Variants in IL1RAPL2 observed in about 807,000 individuals in gnomAD.
IL1RAPL2 encodes X-linked interleukin-1 receptor accessory protein-like 2.
In IL1RAPL2, 3 loss-of-function variants were observed where a neutral mutation model predicts 44.1. The observed-to-expected ratio is 0.07, with a 90% confidence interval of 0.03 to 0.18. The LOEUF is 0.18. Among genes scored for constraint, IL1RAPL2 ranks in the 10% least tolerant of loss-of-function variants. The pLI, the probability that IL1RAPL2 is intolerant of heterozygous loss-of-function variation, is 1.00. For missense variants in IL1RAPL2, 391 were observed against 496.4 expected (o/e 0.79, Z 2.02); for synonymous variants, 181 against 178.8 (o/e 1.01, Z -0.10).
At chrX:104,814,416 C>G (rs1268404656) in intron 2 of IL1RAPL2, among the ~76,000 whole-genome samples, 1 of 111,948 alleles carries the variant, frequency 8.9e-6, no homozygotes, top group East Asian at 2.8e-4. Context: ...TTTTGTTTCC[C>G]TAACAGGATT....
chrX:105,100,802 C>A (rs1449830653), intron 2 of IL1RAPL2, among the ~76,000 whole-genome samples: 1 of 112,100 alleles, frequency 8.9e-6, no homozygotes, highest in African/African-American at 3.2e-5. Context: ...CCTATTCATT[C>A]TGGATGATAT....
At chrX:105,643,728 C>T (rs952521356) in intron 6 of IL1RAPL2, among the ~76,000 whole-genome samples, 1 of 111,608 alleles carries the variant, frequency 9.0e-6, no homozygotes, top group Non-Finnish European at 1.9e-5. Context: ...CATGTCCAGT[C>T]AGTCCTTGGC....
chrX:105,199,524 A>G (rs1245824592), intron 3 of IL1RAPL2, among the ~76,000 whole-genome samples: 22 of 110,672 alleles, frequency 2.0e-4, no homozygotes, highest in African/African-American at 6.6e-4. Flanking sequence ...CTAACAGTCT[A>G]TTTGCTTTTA....
At chrX:105,195,889 C>G in intron 3 of IL1RAPL2, 141 bp downstream of exon 3, 1 of 554,427 alleles carries the variant, frequency 1.8e-6, no homozygotes, top group Non-Finnish European at 2.9e-6. Flanking sequence ...TCAGTAAATT[C>G]CAGTTCTAAT....
At chrX:104,689,506 C>T (rs746368506) in intron 2 of IL1RAPL2, among the ~76,000 whole-genome samples, 4 of 111,425 alleles carry the variant, frequency 3.6e-5, no homozygotes, top group Non-Finnish European at 7.5e-5. Context: ...AGTGTACACA[C>T]ACATAAAATG....
chrX:105,630,154 T>G (rs535553775), intron 6 of IL1RAPL2, among the ~76,000 whole-genome samples: 1 of 111,672 alleles, frequency 9.0e-6, no homozygotes. Context: ...AAAGGGATTT[T>G]GGGAAGCTAT....
At chrX:105,426,117 A>G (rs141042296) in intron 5 of IL1RAPL2, among the ~76,000 whole-genome samples, 1,873 of 108,470 alleles carry the variant, frequency 0.017, 38 homozygotes, top group African/African-American at 0.06. Flanking sequence ...CCTACCATAT[A>G]TATTTCTGAA....
At chrX:105,414,548 C>G (rs1043307850) in intron 5 of IL1RAPL2, among the ~76,000 whole-genome samples, 2 of 111,990 alleles carry the variant, frequency 1.8e-5, no homozygotes, top group Non-Finnish European at 3.8e-5. Flanking sequence ...CCTGTTTAGC[C>G]TCATCTTTTG....
intron 5 of IL1RAPL2, among the ~76,000 whole-genome samples, chrX:105,350,523 A>G (rs2035144655): frequency 8.9e-6 from 1 of 112,121 alleles, no homozygotes; most frequent in South Asian, 3.8e-4. Context: ...TGGAAGTTCA[A>G]GAGCAGCCTG....
chrX:104,740,060 TCAG>T (rs1932077825), intron 2 of IL1RAPL2, among the ~76,000 whole-genome samples: 1 of 111,462 alleles, frequency 9.0e-6, no homozygotes, highest in Non-Finnish European at 1.9e-5. Flanking sequence ...CTAGAAACTA[TCAG>T]CAGGAAGTAG....
intron 1 of IL1RAPL2, among the ~76,000 whole-genome samples, chrX:104,627,961 A>C (rs1929549855): frequency 8.9e-6 from 1 of 112,086 alleles, no homozygotes; most frequent in East Asian, 2.8e-4. Flanking sequence ...ATGTTAAATT[A>C]CTTATTTGAC....
intron 1 of IL1RAPL2, among the ~76,000 whole-genome samples, chrX:104,648,908 T>G (rs779131861): frequency 9.0e-6 from 1 of 111,602 alleles, no homozygotes; most frequent in Non-Finnish European, 1.9e-5. Flanking sequence ...TAGTTACTTA[T>G]GCCAGTTTTT....
At chrX:105,340,143 C>T (rs1283141416) in intron 5 of IL1RAPL2, among the ~76,000 whole-genome samples, 1 of 111,505 alleles carries the variant, frequency 9.0e-6, no homozygotes, top group Non-Finnish European at 1.9e-5. Flanking sequence ...TGTAACATTT[C>T]CAAAATTGAA....
At chrX:105,248,430 T>A (rs985192936) in intron 4 of IL1RAPL2, among the ~76,000 whole-genome samples, 17 of 111,590 alleles carry the variant, frequency 1.5e-4, no homozygotes, top group Non-Finnish European at 3.0e-4. Flanking sequence ...TGTACAAAAA[T>A]TCAACAGCTT....
At position 104,618,888 on chromosome X, in the gene IL1RAPL2, C is replaced by CT. The variant is rs765991812; in HGVS notation, c.-19-40006dup. Reference sequence around the variant, plus strand: ...CCAGGCAAGTGGGTGGTCCAAATGTCTGGATTTCTGCTTAGGGGTATACCA... The same window carrying CT: ...CCAGGCAAGTGGGTGGTCCAAATGTCTTGGATTTCTGCTTAGGGGTATACCA... On this transcript the variant is annotated intron_variant, in intron 1 of 10. Transcript: ENST00000372582. Among the ~76,000 whole-genome samples the CT allele has an allele frequency of 2.7e-5, 3 of 111,550 alleles. No homozygotes were observed. The South Asian group carries it at 1.1e-3, about 43-fold the overall frequency.
rs1232208774 is a variant in IL1RAPL2, at chrX:104,894,065, T to C, written c.82+235070T>C. ...TTATGAAGCTTGGTTTGGCTGGATATGAAATTCTGGGTTGGAAATTCTTTT... is the reference window on the plus strand; with the variant it reads ...TTATGAAGCTTGGTTTGGCTGGATACGAAATTCTGGGTTGGAAATTCTTTT... On this transcript the variant is annotated intron_variant, in intron 2 of 10. Transcript: ENST00000372582. Among the ~76,000 whole-genome samples the C allele has an allele frequency of 5.4e-5, 6 of 111,960 alleles. No individual in the cohort carries two copies. In the East Asian group the frequency reaches 1.7e-3, roughly 31 times the overall value.
At chrX:105,660,416 T>TA (rs2037711105) in intron 6 of IL1RAPL2, among the ~76,000 whole-genome samples, 2 of 110,661 alleles carry the variant, frequency 1.8e-5, no homozygotes, top group African/African-American at 3.3e-5. Context: ...TAACAAGCAA[T>TA]AAAAAATCAT....
At chrX:104,796,163 T>C (rs962376715) in intron 2 of IL1RAPL2, among the ~76,000 whole-genome samples, 2 of 112,375 alleles carry the variant, frequency 1.8e-5, no homozygotes, top group African/African-American at 6.5e-5. Context: ...TTTTATTTTC[T>C]CTGTCTATAA....
intron 2 of IL1RAPL2, among the ~76,000 whole-genome samples, chrX:104,684,898 T>C (rs997517355): frequency 8.9e-6 from 1 of 112,356 alleles, no homozygotes; most frequent in Non-Finnish European, 1.9e-5. Flanking sequence ...TTTGGAGTTA[T>C]GGATTATCAG....
Sources: gnomAD v4.1 joint callset for allele counts (sites outside exome capture counted in the v4.1 genomes callset) on GRCh38, gnomAD v4.1.1 for gene constraint, MANE v1.5 for transcripts, NCBI Gene and HGNC (gene_info 2026-07-23, HGNC 2026-07-21) for gene names.